TMEM117: variants seen among roughly 807,000 people sequenced by gnomAD.
TMEM117 encodes transmembrane protein 117.
TMEM117 carries 27 observed loss-of-function variants against 52.4 expected under a neutral mutation model. The ratio of observed to expected loss-of-function variants is 0.51; its 90% confidence interval spans 0.38 to 0.71. The LOEUF is 0.71. TMEM117 is among the 30% of genes least tolerant of loss of function. The pLI, the probability that TMEM117 is intolerant of heterozygous loss-of-function variation, is 0.00. For synonymous variants in TMEM117, 215 were observed against 206.3 expected (o/e 1.04, Z -0.36); for missense variants, 556 against 630.5 (o/e 0.88, Z 1.26).
At chr12:44,163,954 C>A (rs892546216) in intron 4 of TMEM117, among the ~76,000 whole-genome samples, 8 of 152,108 alleles carry the variant, frequency 5.3e-5, no homozygotes, top group African/African-American at 1.9e-4. Flanking sequence ...ATTGGCAAAA[C>A]CTCTTTTTTC....
chr12:44,142,995 A>G (rs1398977593), intron 3 of TMEM117, among the ~76,000 whole-genome samples: 2 of 152,184 alleles, frequency 1.3e-5, no homozygotes, highest in African/African-American at 2.4e-5. Context: ...AATCACACAT[A>G]TTTGGATCAA....
At chr12:44,076,900 G>A (rs570143791) in intron 3 of TMEM117, among the ~76,000 whole-genome samples, 11 of 152,262 alleles carry the variant, frequency 7.2e-5, no homozygotes, top group African/African-American at 2.4e-4. Context: ...TTAAACTATT[G>A]ATTTGACAGT....
chr12:43,853,124 A>G (rs1943339606), intron 2 of TMEM117, among the ~76,000 whole-genome samples: 1 of 152,220 alleles, frequency 6.6e-6, no homozygotes, highest in African/African-American at 2.4e-5. Context: ...TTTCCCAGCT[A>G]TACCCGAAAC....
chr12:43,822,349 T>A, the TMEM117 span, among the ~76,000 whole-genome samples: 6 of 152,224 alleles, frequency 3.9e-5, no homozygotes, highest in East Asian at 1.2e-3. Context: ...CTTAAGTAAA[T>A]TCGTATCATT....
At chr12:44,090,858 T>A (rs1223072879) in intron 3 of TMEM117, among the ~76,000 whole-genome samples, 1 of 146,274 alleles carries the variant, frequency 6.8e-6, no homozygotes, top group African/African-American at 2.6e-5. Context: ...TGTTTTTTTT[T>A]TTTTTTTGCT....
rs577281280 is a variant in TMEM117, at chr12:44,010,703, T to C, written c.410+66361T>C. Among the ~76,000 whole-genome samples the C allele has an allele frequency of 1.8e-4, 28 of 152,300 alleles. No homozygotes were observed. In the South Asian group the frequency reaches 5.0e-3, roughly 27 times the overall value. ...TTTGTCCTAGAGTTTACAATATACA[T>C]TTATAAGTAATCCAAGTCCCTTTTC... On this transcript the variant is annotated intron_variant, in intron 3 of 7. Transcript: ENST00000266534.
At chr12:44,201,223 CAT>C (rs922048755) in intron 4 of TMEM117, among the ~76,000 whole-genome samples, 26 of 151,960 alleles carry the variant, frequency 1.7e-4, no homozygotes, top group Non-Finnish European at 3.1e-4. Flanking sequence ...AGGGAAGAAA[CAT>C]AGAAGAAAGA....
At chr12:43,806,098 G>A in the TMEM117 span, 3 of 1,520,914 alleles carry the variant, frequency 2.0e-6, no homozygotes, top group South Asian at 3.6e-5. Flanking sequence ...GGCCCGGCTC[G>A]CCCCGCGAGA....
chr12:43,868,910 T>C (rs1943656992), intron 2 of TMEM117, among the ~76,000 whole-genome samples: 1 of 152,026 alleles, frequency 6.6e-6, no homozygotes, highest in African/African-American at 2.4e-5. Context: ...AATCCACATG[T>C]TGATTATTTG....
At chr12:43,956,025 AAAAC>A (rs527824888) in intron 3 of TMEM117, among the ~76,000 whole-genome samples, 278 of 152,332 alleles carry the variant, frequency 1.8e-3, no homozygotes, top group African/African-American at 6.6e-3. Flanking sequence ...AAACATGACA[AAAAC>A]AAGCAATGGG....
At chr12:43,874,999 C>G (rs1287057696) in intron 2 of TMEM117, among the ~76,000 whole-genome samples, 2 of 152,160 alleles carry the variant, frequency 1.3e-5, no homozygotes, top group East Asian at 3.8e-4. Flanking sequence ...GATAAGTATT[C>G]TTAAGTTCAG....
intron 3 of TMEM117, among the ~76,000 whole-genome samples, chr12:44,097,418 A>G (rs558771166): frequency 3.2e-4 from 49 of 152,224 alleles, no homozygotes; most frequent in African/African-American, 1.1e-3. Context: ...ATGCACACGT[A>G]TGTTTATTGC....
intron 6 of TMEM117, among the ~76,000 whole-genome samples, chr12:44,344,565 T>C (rs1291842247): frequency 6.6e-6 from 1 of 152,042 alleles, no homozygotes; most frequent in East Asian, 1.9e-4. Context: ...TGGGCAGATA[T>C]GGAGTGTTAA....
At chr12:44,072,115 A>T (rs1197040004) in intron 3 of TMEM117, among the ~76,000 whole-genome samples, 5 of 152,162 alleles carry the variant, frequency 3.3e-5, no homozygotes, top group Admixed American at 3.3e-4. Context: ...GTTATCTCCA[A>T]TGGAGACTTT....
At chr12:44,174,656 C>A (rs1331201477) in intron 4 of TMEM117, among the ~76,000 whole-genome samples, 2 of 152,102 alleles carry the variant, frequency 1.3e-5, no homozygotes, top group African/African-American at 4.8e-5. Context: ...ATAACTAGCA[C>A]TGTGTTTGTT....
At chr12:44,065,887 G>A (rs148866297) in intron 3 of TMEM117, among the ~76,000 whole-genome samples, 66 of 152,298 alleles carry the variant, frequency 4.3e-4, no homozygotes, top group African/African-American at 1.4e-3. Flanking sequence ...AATATCATTT[G>A]CAGATGAAGT....
At chr12:44,017,999 T>C (rs1000073334) in intron 3 of TMEM117, among the ~76,000 whole-genome samples, 3 of 152,216 alleles carry the variant, frequency 2.0e-5, no homozygotes, top group Non-Finnish European at 2.9e-5. Flanking sequence ...ACCACTGTTA[T>C]TTAATTAGAC....
intron 1 of TMEM117, among the ~76,000 whole-genome samples, chr12:43,842,643 G>C (rs1378203344): frequency 6.6e-6 from 1 of 151,966 alleles, no homozygotes; most frequent in Non-Finnish European, 1.5e-5. Context: ...TGTGATTTCA[G>C]TCATGTATAA....
intron 3 of TMEM117, among the ~76,000 whole-genome samples, chr12:44,111,801 G>A (rs1335670407): frequency 7.1e-6 from 1 of 141,316 alleles, no homozygotes; most frequent in African/African-American, 3.0e-5. Context: ...AACGTTGACA[G>A]TGGGGTGTTA....
Sources: gnomAD v4.1 joint callset for allele counts (sites outside exome capture counted in the v4.1 genomes callset) on GRCh38, gnomAD v4.1.1 for gene constraint, MANE v1.5 for transcripts, NCBI Gene and HGNC (gene_info 2026-07-23, HGNC 2026-07-21) for gene names.